The following PXT1 variants were observed in gnomAD, a reference collection of about 807,000 sequenced individuals.
PXT1 encodes the protein peroxisomal testis enriched protein 1, also known as peroxisomal testis-specific protein 1.
In PXT1, 11 loss-of-function variants were observed where a neutral mutation model predicts 11.0. The observed-to-expected ratio is 1.00, with a 90% CI of 0.63 to 1.66. PXT1 has a LOEUF of 1.66. PXT1 is among the 40% of genes most tolerant of loss of function. PXT1 has a pLI of 0.00. For synonymous variants in PXT1, 43 were observed against 51.4 expected, an observed-to-expected ratio of 0.84 and a Z score of 0.70; for missense variants, 141 against 155.5, an observed-to-expected ratio of 0.91 and a Z score of 0.49.
intron 2 of PXT1, among the ~76,000 whole-genome samples, chr6:36,431,256 T>C (rs556231618): frequency 1.2e-4 from 19 of 152,290 alleles, no homozygotes; most frequent in Non-Finnish European, 2.5e-4. Context: ...TCTAAATAAT[T>C]ACTTATTAGT....
chr6:36,408,138 T>A (rs1774316645), intron 3 of PXT1, among the ~76,000 whole-genome samples: 1 of 151,822 alleles, frequency 6.6e-6, no homozygotes, highest in East Asian at 1.9e-4. Context: ...ATTTTTGTAT[T>A]TTTAGTAGAA....
chr6:36,429,704 C>T (rs1233735048), intron 2 of PXT1, among the ~76,000 whole-genome samples: 2 of 150,714 alleles, frequency 1.3e-5, no homozygotes, highest in African/African-American at 2.4e-5. Flanking sequence ...AGGGTTTCAC[C>T]GTGTTGGCCA....
In PXT1 at chr6:36,400,455, T is replaced by C; in HGVS notation, c.299A>G (p.Glu100Gly). Residue 100 changes from glutamate to glycine, a missense_variant and splice_region_variant, in exon 4 of 5, where the codon GAG (glutamate) becomes GGG (glycine). Glu to Gly is a moderately conservative substitution (Grantham distance 98). Transcript: ENST00000454782. ...GDNIDHRMVREDLQQDGRDAL... is the reference protein window; with the variant it reads ...GDNIDHRMVRGDLQQDGRDAL... ...TGGCTGGGGAAACTGAAGCCTCACC[T>C]CTCGAACCATCCTATGATCAATGTT... 2 of 1,613,380 alleles carry C rather than the reference T, an allele frequency of 1.2e-6. No homozygotes were observed. The highest frequency in any genetic ancestry group is 1.7e-6 in the Non-Finnish European group (2 of 1,179,490).
chr6:36,424,865 A>G (rs1774581621), intron 3 of PXT1, among the ~76,000 whole-genome samples: 1 of 152,220 alleles, frequency 6.6e-6, no homozygotes, highest in South Asian at 2.1e-4. Flanking sequence ...GCATGCAGTG[A>G]ACCGAGACTG....
chr6:36,427,109 TCTC>T (rs1276158411), intron 2 of PXT1, among the ~76,000 whole-genome samples: 4 of 151,494 alleles, frequency 2.6e-5, no homozygotes, highest in Non-Finnish European at 5.9e-5. Flanking sequence ...TTCAAGCAAT[TCTC>T]CTGCCTCACC....
At chr6:36,439,799 G>C (rs895496628) in intron 1 of PXT1, among the ~76,000 whole-genome samples, 6 of 152,152 alleles carry the variant, frequency 3.9e-5, no homozygotes, top group African/African-American at 1.4e-4. Context: ...GGAATAACAA[G>C]AGATAAACAT....
chr6:36,409,736 G>A (rs1324987028), intron 3 of PXT1, among the ~76,000 whole-genome samples: 3 of 151,766 alleles, frequency 2.0e-5, no homozygotes. Context: ...TGAGGTGGGA[G>A]GATCACTTAA....
intron 2 of PXT1, among the ~76,000 whole-genome samples, chr6:36,427,281 G>T (rs1774622580): frequency 6.6e-6 from 1 of 152,134 alleles, no homozygotes; most frequent in South Asian, 2.1e-4. Flanking sequence ...GATTACAGGT[G>T]TGAGCCACCA....
At position 36,442,837 on chromosome 6, in the gene PXT1, T is replaced by G. The variant is rs1029139484; in HGVS notation, c.-432A>C. 1 of 152,052 alleles carries G rather than the reference T, an allele frequency of 6.6e-6. No homozygotes were observed. Among genetic ancestry groups the G allele is most frequent in the Admixed American group, 6.6e-5 (1 of 15,260 alleles). 9.4% of individuals were successfully genotyped at this position (152,052 alleles called of 1,614,324 possible). The stretch of plus-strand genomic sequence containing the variant: ...ACTCAGAAAAGTGCGCCCGCTGAGG[T>G]TGGGTGCAGAGTGGACTGGAGGAAA... On this transcript the variant is annotated 5_prime_UTR_variant, in exon 1 of 5. Transcript: ENST00000454782.
chr6:36,404,576 C>A (rs532337251), intron 3 of PXT1, among the ~76,000 whole-genome samples: 96 of 152,132 alleles, frequency 6.3e-4, no homozygotes, highest in Non-Finnish European at 9.7e-4. Context: ...CCTGCCTTGG[C>A]CTTCCTAAGT....
At chr6:36,408,785 G>A (rs1388940222) in intron 3 of PXT1, among the ~76,000 whole-genome samples, 1 of 151,702 alleles carries the variant, frequency 6.6e-6, no homozygotes, top group Non-Finnish European at 1.5e-5. Flanking sequence ...GGAAGCCAAG[G>A]TGAGAGGATT....
chr6:36,439,537 C>T (rs979822381), intron 1 of PXT1, among the ~76,000 whole-genome samples: 1 of 150,726 alleles, frequency 6.6e-6, no homozygotes, highest in Non-Finnish European at 1.5e-5. Flanking sequence ...CGCTTGAATC[C>T]GGGAGGTGGA....
intron 3 of PXT1, 114 bp downstream of exon 3, chr6:36,425,800 C>CAAAAACAAACAAAA (rs1433662209): frequency 1.6e-4 from 35 of 216,678 alleles, no homozygotes; most frequent in Middle Eastern, 1.6e-3. Context: ...AAAACAAAAA[C>CAAAAACAAACAAAA]AAAAAATATA....
At chr6:36,400,411 C>T in intron 4 of PXT1, 43 bp downstream of exon 4, 1 of 1,607,342 alleles carries the variant, frequency 6.2e-7, no homozygotes, top group Non-Finnish European at 8.5e-7. Context: ...TTTGCTCTTT[C>T]CTCCTACCTG....
At chr6:36,411,994 A>G (rs1456388081) in intron 3 of PXT1, among the ~76,000 whole-genome samples, 64 of 152,176 alleles carry the variant, frequency 4.2e-4, no homozygotes, top group Non-Finnish European at 8.2e-4. Flanking sequence ...AAGAAAACAC[A>G]TAATTCAGTG....
intron 4 of PXT1, among the ~76,000 whole-genome samples, 159 bp downstream of exon 4, chr6:36,400,295 C>T (rs1484282298): frequency 6.6e-6 from 1 of 152,178 alleles, no homozygotes; most frequent in Admixed American, 6.5e-5. Context: ...CCAGCTTTGG[C>T]TCAGGTTCAC....
chr6:36,423,318 C>A (rs930394537), intron 3 of PXT1, among the ~76,000 whole-genome samples: 6 of 152,258 alleles, frequency 3.9e-5, no homozygotes, highest in Non-Finnish European at 8.8e-5. Flanking sequence ...GCCAGGTCCT[C>A]GGAACCACCT....
intron 2 of PXT1, among the ~76,000 whole-genome samples, chr6:36,436,544 G>A (rs764037209): frequency 7.9e-5 from 12 of 152,212 alleles, no homozygotes; most frequent in South Asian, 2.1e-4. Flanking sequence ...GCACCAGCAC[G>A]GAATTAACAT....
In PXT1 at chr6:36,400,555, G is replaced by A; in HGVS notation, c.199C>T (p.His67Tyr). 1.2e-6 allele frequency: 2 copies of A among 1,613,718 alleles called. No individual in the cohort carries two copies. The highest frequency in any genetic ancestry group is 1.7e-6 in the Non-Finnish European group (2 of 1,179,822). ...DHNLLSQPKE[H>Y]SIVQKHHQEE... ...TGGTGATGCTTCTGAACAATGCTAT[G>A]CTCCTTGGGCTGAGAAAGTAGATTA... Residue 67 changes from histidine (H) to tyrosine (Y), a missense_variant, in exon 4 of 5, where the codon CAT becomes TAT. His to Tyr is a moderately conservative substitution (Grantham distance 83, BLOSUM62 2). Coordinates refer to ENST00000454782, the MANE Select transcript of PXT1 (RefSeq NM_152990.4).
Sources: gnomAD v4.1 joint callset for allele counts (sites outside exome capture counted in the v4.1 genomes callset) on GRCh38, gnomAD v4.1.1 for gene constraint, MANE v1.5 for transcripts, NCBI Gene and HGNC (gene_info 2026-07-23, HGNC 2026-07-21) for gene names.